The following POLE2 variants were observed in gnomAD, a reference collection of about 807,000 sequenced individuals.
The protein encoded by POLE2 is DNA polymerase epsilon 2, accessory subunit.
Under a neutral mutation model 79.4 loss-of-function variants are expected in POLE2, and 56 were observed. That is an observed-to-expected ratio of 0.71 (90% CI 0.57 to 0.88). The LOEUF is 0.88. Among genes scored for constraint, POLE2 ranks in the 40% least tolerant of loss-of-function variants. The pLI, the probability that POLE2 is intolerant of heterozygous loss-of-function variation, is 0.00. For synonymous variants in POLE2, 212 were observed against 214.0 expected, an observed-to-expected ratio of 0.99 and a Z score of 0.08; for missense variants, 598 against 638.9, an observed-to-expected ratio of 0.94 and a Z score of 0.69.
intron 5 of POLE2, 23 bp downstream of exon 5, chr14:49,674,100 C>T (rs758588209): frequency 7.5e-7 from 1 of 1,326,608 alleles, no homozygotes; most frequent in East Asian, 2.3e-5. Flanking sequence ...AGTATCCTCC[C>T]CTCCGCCCCC....
At chr14:49,687,244 G>C (rs1358091404) in intron 1 of POLE2, among the ~76,000 whole-genome samples, 1 of 150,270 alleles carries the variant, frequency 6.7e-6, no homozygotes. Context: ...CAGCTTGGGC[G>C]AGAGTGAGAC....
chr14:49,644,891 A>G (rs947304121), intron 18 of POLE2, among the ~76,000 whole-genome samples: 5 of 151,956 alleles, frequency 3.3e-5, no homozygotes, highest in South Asian at 2.1e-4. Flanking sequence ...AAATACAAAA[A>G]ATCAGCCAGG....
chr14:49,671,052 T>C lies in POLE2; in HGVS notation c.418-1454A>G, dbSNP rs112692893. Among the ~76,000 whole-genome samples the C allele has an allele frequency of 1.2e-3, 184 of 152,272 alleles. 1 individual carries two copies. Among genetic ancestry groups the C allele is most frequent in the African/African-American group, 4.3e-3 (179 of 41,556 alleles). The stretch of plus-strand genomic sequence containing the variant: ...ATCAGATTCATTTTCTGGAAGATAA[T>C]TGCAATGAAAATATGGATGGACTGA... On this transcript the variant is annotated intron_variant, in intron 5 of 18. Transcript: ENST00000216367.
intron 3 of POLE2, among the ~76,000 whole-genome samples, chr14:49,676,286 C>T (rs1456611912): frequency 2.6e-5 from 4 of 152,136 alleles, no homozygotes; most frequent in Admixed American, 1.3e-4. Context: ...AAAATCTTTC[C>T]TAAAATTACA....
chr14:49,665,129 A>G lies in POLE2; in HGVS notation c.611T>C (p.Val204Ala). ...KFFLEDPTGT[V>A]QLDLSKAQFH... ...TATAGCTTTACTAAGGTCTAGTTGGACTGTTCCAGTAGGATCTTCCAGAAA... is the reference window on the plus strand; with the variant it reads ...TATAGCTTTACTAAGGTCTAGTTGGGCTGTTCCAGTAGGATCTTCCAGAAA... The change falls in exon 8 of 19, where the codon GTC (valine) becomes GCC (alanine). Residue 204 changes from valine (V) to alanine (A), a missense_variant. Physicochemically the swap from Val to Ala is moderately conservative, Grantham distance 64. Coordinates refer to ENST00000216367, the MANE Select transcript of POLE2 (RefSeq NM_002692.4). 1 of 1,412,848 alleles carries G rather than the reference A, an allele frequency of 7.1e-7. No individual in the cohort carries two copies. The highest frequency in any genetic ancestry group is 1.0e-6 in the Non-Finnish European group (1 of 1,000,552). The allele number at this position is 1,412,848 out of a possible 1,614,324, so 87.5% of individuals were successfully genotyped here.
At position 49,655,780 on chromosome 14, in the gene POLE2, T is replaced by G. The variant is rs1009828164; in HGVS notation, c.819A>C (p.Ala273=). The G allele has an allele frequency of 1.2e-6, 2 of 1,605,588 alleles. No homozygotes were observed. The highest frequency in any genetic ancestry group is 2.7e-5 in the African/African-American group (2 of 74,728). ...GPSNTSVKTS[A]KLKQLEEENK... ...TCTCCTCTTCTAGCTGTTTTAGTTT[T>G]GCAGAAGTCTTCACAGATGTATTAG... is the stretch of plus-strand genomic sequence containing the variant. The change falls in exon 11 of 19, where the codon GCA becomes GCC. Residue 273 remains alanine (A), a synonymous_variant. Transcript: ENST00000216367.
intron 3 of POLE2, among the ~76,000 whole-genome samples, chr14:49,677,044 T>C (rs1265823343): frequency 6.6e-6 from 1 of 152,224 alleles, no homozygotes. Flanking sequence ...AGCTATTTCT[T>C]CATCCAGAAC....
At position 49,654,822 on chromosome 14, in the gene POLE2, C is replaced by T. The variant is rs765946566; in HGVS notation, c.1035G>A (p.Leu345=). 3.0e-5 allele frequency: 45 copies of T among 1,482,866 alleles called. No individual in the cohort carries two copies. The highest frequency in any genetic ancestry group is 3.7e-5 in the Non-Finnish European group (41 of 1,119,904). The allele number at this position is 1,482,866 out of a possible 1,614,324, so 91.9% of individuals were successfully genotyped here. The change falls in exon 13 of 19, where the codon TTG becomes TTA. Residue 345 remains leucine, a synonymous_variant. Coordinates refer to ENST00000216367, the MANE Select transcript of POLE2 (RefSeq NM_002692.4). ...CTGGGTATTCACATATTATATCTGC[C>T]AAAGTTTTTAGGGAATCTAAAATTT... ...VQALKDSLKT[L]ADIICEYPDI... is the part of the protein sequence containing the mutation.
At chr14:49,655,556 C>A in intron 11 of POLE2, 115 bp downstream of exon 11, 2 of 733,366 alleles carry the variant, frequency 2.7e-6, no homozygotes, top group Non-Finnish European at 4.5e-6. Context: ...TATCTCATTG[C>A]TAACTCTGTT....
In POLE2 at chr14:49,650,326, A is replaced by G; in HGVS notation, c.1436T>C (p.Val479Ala). 1 of 1,611,464 alleles carries G rather than the reference A, an allele frequency of 6.2e-7. No homozygotes were observed. Among genetic ancestry groups the G allele is most frequent in the Non-Finnish European group, 8.5e-7 (1 of 1,178,498 alleles). ...LRVYPVPDLL[V>A]IADKYDPFTT... ...GAAAGGATCATATTTGTCTGCAATG[A>G]CAAGTAGATCGGGCACAGGATACAC... is the stretch of plus-strand genomic sequence containing the variant. Residue 479 changes from valine (V) to alanine (A), a missense_variant, in exon 17 of 19, where the codon GTC becomes GCC. Physicochemically the swap from Val to Ala is moderately conservative, Grantham distance 64. Transcript: ENST00000216367.
intron 2 of POLE2, among the ~76,000 whole-genome samples, chr14:49,680,967 G>T (rs911006556): frequency 7.2e-5 from 11 of 152,084 alleles, no homozygotes; most frequent in African/African-American, 2.4e-4. Context: ...TTAAGCAAAG[G>T]TATATGTAAA....
At chr14:49,677,790 T>C in intron 3 of POLE2, 1 of 784,138 alleles carries the variant, frequency 1.3e-6, no homozygotes, top group Non-Finnish European at 1.9e-6. Context: ...CTGGCCTCAA[T>C]GATGACTGTG....
intron 17 of POLE2, among the ~76,000 whole-genome samples, chr14:49,649,708 C>G (rs1038236392): frequency 2.0e-5 from 3 of 152,158 alleles, no homozygotes; most frequent in African/African-American, 7.2e-5. Flanking sequence ...CTCGGCCTCC[C>G]AAAGTGCTGG....
intron 3 of POLE2, chr14:49,677,686 G>T (rs1886383401): frequency 2.5e-6 from 3 of 1,187,512 alleles, no homozygotes; most frequent in Non-Finnish European, 3.6e-6. Context: ...CTTACGAAAT[G>T]GTGTTCAAGA....
At chr14:49,680,877 C>T (rs1018110068) in intron 2 of POLE2, among the ~76,000 whole-genome samples, 3 of 151,984 alleles carry the variant, frequency 2.0e-5, no homozygotes, top group African/African-American at 7.3e-5. Flanking sequence ...GTGATCCGCC[C>T]GCCTCAGCCT....
At chr14:49,684,300 T>C (rs1162337980) in intron 1 of POLE2, among the ~76,000 whole-genome samples, 2 of 151,738 alleles carry the variant, frequency 1.3e-5, no homozygotes, top group Non-Finnish European at 2.9e-5. Flanking sequence ...CCGTCTCTAC[T>C]AAAAACACAA....
At position 49,654,838 on chromosome 14, in the gene POLE2, T is replaced by C; in HGVS notation, c.1019A>G (p.Asp340Gly). 6.7e-7 allele frequency: 1 copy of C among 1,489,062 alleles called. No homozygotes were observed. The highest frequency in any genetic ancestry group is 2.6e-5 in the Admixed American group (1 of 38,558). 92.2% of individuals were successfully genotyped at this position (1,489,062 alleles called of 1,614,324 possible). A position where few individuals can be genotyped will look rare whatever the true frequency, so the allele number is the denominator to read the frequency against. ...YGKNQVQALKDSLKTLADIIC... is the reference protein window; with the variant it reads ...YGKNQVQALKGSLKTLADIIC... ...TATATCTGCCAAAGTTTTTAGGGAA[T>C]CTAAAATTTTAAAAAGGTATTGAAT... The change falls in exon 13 of 19, where the codon GAT (aspartate) becomes GGT (glycine). Residue 340 changes from aspartate to glycine, a missense_variant and splice_region_variant. Asp to Gly is a moderately conservative substitution (Grantham distance 94). Coordinates refer to ENST00000216367, the MANE Select transcript of POLE2 (RefSeq NM_002692.4).
intron 17 of POLE2, among the ~76,000 whole-genome samples, chr14:49,648,904 C>T (rs1883977806): frequency 6.6e-6 from 1 of 152,096 alleles, no homozygotes; most frequent in African/African-American, 2.4e-5. Context: ...CTCGGCCTCC[C>T]AAAGTGCTGG....
chr14:49,686,589 TTTTA>T (rs1887154523), intron 1 of POLE2, among the ~76,000 whole-genome samples: 1 of 152,196 alleles, frequency 6.6e-6, no homozygotes, highest in Non-Finnish European at 1.5e-5. Flanking sequence ...ATGTGTACTG[TTTTA>T]GCCTTTAAAT....
Sources: allele counts gnomAD v4.1 joint callset (sites outside exome capture counted in the v4.1 genomes callset), GRCh38; gene constraint gnomAD v4.1.1; transcripts MANE v1.5; gene names NCBI Gene and HGNC (gene_info 2026-07-23, HGNC 2026-07-21).